KALRN: variants seen among roughly 807,000 people sequenced by gnomAD.
KALRN encodes kalirin RhoGEF kinase.
KALRN carries 70 observed loss-of-function variants against 353.7 expected under a neutral mutation model. The ratio of observed to expected loss-of-function variants is 0.20; its 90% CI spans 0.16 to 0.24. The LOEUF (loss-of-function observed/expected upper bound fraction) is 0.24, where lower values mean the gene tolerates loss of function less well. Among genes scored for constraint, KALRN ranks in the 10% least tolerant of loss-of-function variants. The pLI is 1.00. For missense variants in KALRN, 2,791 were observed against 3,756.7 expected (o/e 0.74, Z 6.72); for synonymous variants, 1,391 against 1,434.8 (o/e 0.97, Z 0.69).
At chr3:124,231,110 G>A (rs2079106091) in intron 2 of KALRN, among the ~76,000 whole-genome samples, 1 of 152,204 alleles carries the variant, frequency 6.6e-6, no homozygotes, top group Non-Finnish European at 1.5e-5. Flanking sequence ...GGAAAGCCAT[G>A]CTGCCATGGG....
intron 57 of KALRN, among the ~76,000 whole-genome samples, chr3:124,703,035 C>G (rs2062418903): frequency 6.6e-6 from 1 of 152,072 alleles, no homozygotes. Flanking sequence ...CCGTAAGATC[C>G]TTCCCCCCGG....
At chr3:124,295,125 G>A (rs1251117743) in intron 5 of KALRN, among the ~76,000 whole-genome samples, 1 of 152,236 alleles carries the variant, frequency 6.6e-6, no homozygotes, top group Non-Finnish European at 1.5e-5. Flanking sequence ...AGCCTTGCAG[G>A]GGTGAGGATT....
At chr3:124,054,898 G>A (rs910941178) in intron 1 of KALRN, among the ~76,000 whole-genome samples, 2 of 152,128 alleles carry the variant, frequency 1.3e-5, no homozygotes, top group African/African-American at 4.8e-5. Flanking sequence ...CCAACCAAAG[G>A]ATCTCTAGAA....
At chr3:124,580,736 C>G (rs896703721) in intron 34 of KALRN, among the ~76,000 whole-genome samples, 3 of 152,128 alleles carry the variant, frequency 2.0e-5, no homozygotes, top group Non-Finnish European at 4.4e-5. Context: ...CAGAGCCTGA[C>G]ACAGAGTAGG....
intron 38 of KALRN, 104 bp from the exon 39 acceptor site, chr3:124,655,497 G>T (rs1161200142): frequency 1.2e-6 from 1 of 826,768 alleles, no homozygotes; most frequent in Non-Finnish European, 2.1e-6. Flanking sequence ...TGTTTTAAGG[G>T]GTCTTGTTAT....
At chr3:124,041,966 G>GA (rs2040008566) in intron 1 of KALRN, among the ~76,000 whole-genome samples, 1 of 152,192 alleles carries the variant, frequency 6.6e-6, no homozygotes, top group Non-Finnish European at 1.5e-5. Context: ...GACATTATTA[G>GA]AAGGGAGCTG....
At position 124,413,461 on chromosome 3, in the gene KALRN, C is replaced by G. The variant is rs1380367342; in HGVS notation, c.2347-9C>G. ...TGAGCCTGTGCTGATGACAGTGGTT[C>G]CCTCACAGGTGACAGCAGAGCTAGA... On this transcript the variant is annotated splice_polypyrimidine_tract_variant and intron_variant, in intron 13 of 59. Coordinates refer to ENST00000682506, the MANE Select transcript of KALRN (RefSeq NM_001388419.1). 5 of 1,611,656 alleles carry G rather than the reference C, an allele frequency of 3.1e-6. No individual in the cohort carries two copies. Among genetic ancestry groups the G allele is most frequent in the Non-Finnish European group, 4.2e-6 (5 of 1,178,542 alleles).
intron 13 of KALRN, among the ~76,000 whole-genome samples, chr3:124,403,971 A>G (rs558895389): frequency 1.2e-4 from 19 of 152,282 alleles, no homozygotes; most frequent in Admixed American, 1.0e-3. Context: ...GAGGGCAGGC[A>G]AAAGTTGGTG....
At chr3:124,182,657 C>T (rs1195644159) in intron 1 of KALRN, among the ~76,000 whole-genome samples, 1 of 152,150 alleles carries the variant, frequency 6.6e-6, no homozygotes, top group African/African-American at 2.4e-5. Context: ...TCATTGGGGG[C>T]CTCCCCAGAG....
chr3:124,122,033 C>T (rs1210084945), intron 1 of KALRN, among the ~76,000 whole-genome samples: 1 of 152,148 alleles, frequency 6.6e-6, no homozygotes, highest in Non-Finnish European at 1.5e-5. Flanking sequence ...AGAAACAAGT[C>T]CCAGTGAGAG....
At chr3:124,510,345 A>G (rs2065764543) in intron 33 of KALRN, among the ~76,000 whole-genome samples, 1 of 152,088 alleles carries the variant, frequency 6.6e-6, no homozygotes, top group East Asian at 1.9e-4. Flanking sequence ...GAGAAAGGAG[A>G]ATATAGGGTA....
At chr3:124,700,338 A>G (rs1231020391) in intron 56 of KALRN, among the ~76,000 whole-genome samples, 1 of 152,002 alleles carries the variant, frequency 6.6e-6, no homozygotes, top group Non-Finnish European at 1.5e-5. Context: ...AGACAGTAAT[A>G]CAAAGCCTCC....
intron 10 of KALRN, among the ~76,000 whole-genome samples, chr3:124,382,692 C>T (rs1325864916): frequency 6.6e-6 from 1 of 152,154 alleles, no homozygotes; most frequent in Non-Finnish European, 1.5e-5. Flanking sequence ...TATAAAGCTA[C>T]AATCTCTAGG....
chr3:124,054,166 T>A (rs555739713), intron 1 of KALRN, among the ~76,000 whole-genome samples: 1 of 151,710 alleles, frequency 6.6e-6, no homozygotes, highest in African/African-American at 2.4e-5. Context: ...GAGGCTTGGG[T>A]TTTTTCAGCA....
intron 33 of KALRN, 98 bp downstream of exon 33, chr3:124,496,511 T>G: frequency 1.4e-3 from 1,069 of 744,918 alleles, no homozygotes; most frequent in Non-Finnish European, 2.1e-3. Flanking sequence ...CTATGGATCC[T>G]ACCTTCAGGA....
At chr3:124,223,844 G>A (rs1006186209) in intron 1 of KALRN, among the ~76,000 whole-genome samples, 9 of 152,212 alleles carry the variant, frequency 5.9e-5, no homozygotes, top group African/African-American at 1.9e-4. Context: ...TCCAACATGG[G>A]AAATGATGAC....
intron 1 of KALRN, among the ~76,000 whole-genome samples, chr3:124,086,705 T>A (rs1230041512): frequency 6.6e-6 from 1 of 152,208 alleles, no homozygotes. Flanking sequence ...GAAAATATAA[T>A]GTACTCACAG....
chr3:124,061,524 TC>T lies in KALRN; in HGVS notation c.73+27713del, dbSNP rs537336107. On this transcript the variant is annotated intron_variant, in intron 1 of 59. Transcript: ENST00000682506. The stretch of plus-strand genomic sequence containing the variant: ...CAATGGCACTAAGTGCTGCTTTGTT[TC>T]CTAATTCCAAATAAAACCCTCTTGT... Among the ~76,000 whole-genome samples the T allele has an allele frequency of 2.0e-4, 31 of 152,368 alleles. No homozygotes were observed. The South Asian group carries it at 5.0e-3, about 24-fold the overall frequency.
intron 34 of KALRN, among the ~76,000 whole-genome samples, chr3:124,623,068 CTTTTCTTT>C (rs2079463417): frequency 6.6e-6 from 1 of 151,880 alleles, no homozygotes; most frequent in African/African-American, 2.4e-5. Flanking sequence ...AGGTTTCTTT[CTTTTCTTT>C]TTTTCTTTCT....
Sources: allele counts gnomAD v4.1 joint callset (sites outside exome capture counted in the v4.1 genomes callset), GRCh38; gene constraint gnomAD v4.1.1; transcripts MANE v1.5; gene names NCBI Gene and HGNC (gene_info 2026-07-23, HGNC 2026-07-21).